The following TMEM182 variants were observed in gnomAD, a reference collection of about 807,000 sequenced individuals.
TMEM182 encodes the protein transmembrane protein 182.
Under a neutral mutation model 26.8 loss-of-function variants are expected in TMEM182, and 20 were observed. That is an observed-to-expected ratio of 0.75 (90% CI 0.53 to 1.09). TMEM182 has a LOEUF of 1.09. Among genes scored for constraint, TMEM182 ranks in the 50% least tolerant of loss-of-function variants. TMEM182 has a pLI of 0.00. For missense variants in TMEM182, 277 were observed against 275.5 expected (o/e 1.01, Z -0.04); for synonymous variants, 109 against 102.2 (o/e 1.07, Z -0.40).
At chr2:102,787,410 T>C (rs1008033090) in intron 3 of TMEM182, among the ~76,000 whole-genome samples, 5 of 152,222 alleles carry the variant, frequency 3.3e-5, no homozygotes, top group Admixed American at 2.0e-4. Flanking sequence ...ATAAAGTCAC[T>C]AATCCCATCA....
intron 3 of TMEM182, among the ~76,000 whole-genome samples, chr2:102,790,594 A>G (rs6704816): frequency 0.03 from 4,623 of 152,318 alleles, 250 homozygotes; most frequent in African/African-American, 0.11. Flanking sequence ...GTTAGTGTGC[A>G]TAATTAATAG....
At position 102,785,017 on chromosome 2, in the gene TMEM182, G is replaced by A. The variant is rs970804192; in HGVS notation, c.332-12846G>A. On this transcript the variant is annotated intron_variant, in intron 3 of 4. Transcript: ENST00000412401. Reference sequence around the variant, plus strand: ...GTTTCAGCCTCATCTTACCCAGCTCGAGATGGAGTTGCTCTGGTTCCAACA... The same window carrying A: ...GTTTCAGCCTCATCTTACCCAGCTCAAGATGGAGTTGCTCTGGTTCCAACA... 6.6e-5 allele frequency among the ~76,000 whole-genome samples: 10 copies of A among 152,124 alleles called. 1 individual carries two copies. Among genetic ancestry groups the A allele is most frequent in the Admixed American group, 2.6e-4 (4 of 15,282 alleles).
chr2:102,761,247 A>G (rs1573499679), upstream of TMEM182, among the ~76,000 whole-genome samples: 1 of 151,944 alleles, frequency 6.6e-6, no homozygotes, highest in African/African-American at 2.4e-5. Flanking sequence ...ATTCATTGCT[A>G]TTAGGTGGTC....
At chr2:102,770,491 G>A (rs1482620024) in intron 3 of TMEM182, among the ~76,000 whole-genome samples, 1 of 152,132 alleles carries the variant, frequency 6.6e-6, no homozygotes, top group Non-Finnish European at 1.5e-5. Context: ...TCTTTACCCT[G>A]CAATGCACTT....
At chr2:102,837,621 T>TA (rs1420331330) in intron 3 of TMEM182, among the ~76,000 whole-genome samples, 1 of 152,074 alleles carries the variant, frequency 6.6e-6, no homozygotes, top group African/African-American at 2.4e-5. Context: ...ATGTGGTTAA[T>TA]AAAGTAATGG....
intron 3 of TMEM182, among the ~76,000 whole-genome samples, chr2:102,793,786 G>A (rs1446892782): frequency 6.6e-6 from 1 of 152,110 alleles, no homozygotes; most frequent in East Asian, 1.9e-4. Context: ...ATGGTTGGTT[G>A]AATCCACAGA....
At chr2:102,803,627 C>T (rs1682233091) in intron 4 of TMEM182, among the ~76,000 whole-genome samples, 1 of 152,118 alleles carries the variant, frequency 6.6e-6, no homozygotes, top group Non-Finnish European at 1.5e-5. Flanking sequence ...TTTTTTTCTC[C>T]TTAATACTAG....
chr2:102,793,419 T>C (rs181560549), intron 3 of TMEM182, among the ~76,000 whole-genome samples: 175 of 152,312 alleles, frequency 1.1e-3, no homozygotes, highest in African/African-American at 3.9e-3. Context: ...CAAACATGAC[T>C]ACTGCACTCT....
At chr2:102,742,414 T>C (rs913899648) in intron 1 of TMEM182, among the ~76,000 whole-genome samples, 1 of 152,182 alleles carries the variant, frequency 6.6e-6, no homozygotes, top group African/African-American at 2.4e-5. Context: ...AGGTATAAGA[T>C]ACCATTTGGT....
At chr2:102,780,204 A>G (rs1681110267) in intron 3 of TMEM182, among the ~76,000 whole-genome samples, 1 of 152,050 alleles carries the variant, frequency 6.6e-6, no homozygotes, top group African/African-American at 2.4e-5. Context: ...TTTTTATTGA[A>G]GCCTGAACTT....
chr2:102,792,354 A>G (rs115765693), intron 3 of TMEM182, among the ~76,000 whole-genome samples: 2,046 of 152,236 alleles, frequency 0.013, 46 homozygotes, highest in African/African-American at 0.047. Context: ...CTATAAACCT[A>G]TGAAAAGAAT....
intron 1 of TMEM182, chr2:102,737,134 T>C: frequency 3.4e-6 from 1 of 295,968 alleles, no homozygotes; most frequent in Non-Finnish European, 6.2e-6. Flanking sequence ...CTTCCTCCTA[T>C]GGAGTTGTGC....
At chr2:102,832,056 C>A (rs758059660) in intron 3 of TMEM182, among the ~76,000 whole-genome samples, 3 of 152,148 alleles carry the variant, frequency 2.0e-5, no homozygotes, top group South Asian at 2.1e-4. Context: ...GCTCTCATAT[C>A]CCCATACCTG....
intron 3 of TMEM182, among the ~76,000 whole-genome samples, chr2:102,842,290 C>T (rs929806989): frequency 6.6e-6 from 1 of 152,152 alleles, no homozygotes; most frequent in Non-Finnish European, 1.5e-5. Context: ...GTGCTGTCCC[C>T]TTTTCCTGAA....
chr2:102,840,647 G>A (rs1276331629), intron 3 of TMEM182, among the ~76,000 whole-genome samples: 1 of 152,150 alleles, frequency 6.6e-6, no homozygotes, highest in Non-Finnish European at 1.5e-5. Context: ...ACATTTGACA[G>A]ACAATGTATA....
intron 3 of TMEM182, among the ~76,000 whole-genome samples, chr2:102,838,216 G>T (rs1016970183): frequency 6.6e-6 from 1 of 152,134 alleles, no homozygotes; most frequent in East Asian, 1.9e-4. Context: ...TACTTTTGAG[G>T]GATAGCTATG....
rs1002689160 is a variant in TMEM182 at position 102,816,623 on chromosome 2, G to A, written c.*1655G>A. The A allele has an allele frequency of 3.0e-6, 3 of 985,094 alleles. No individual in the cohort carries two copies. The African/African-American group carries it at 5.3e-5, about 17-fold the overall frequency. The allele number at this position is 985,094 out of a possible 1,614,324, so 61.0% of individuals were successfully genotyped here. A position where few individuals can be genotyped will look rare whatever the true frequency, so the allele number is the denominator to read the frequency against. On this transcript the variant is annotated 3_prime_UTR_variant, in exon 5 of 5. Transcript: ENST00000412401. The stretch of plus-strand genomic sequence containing the variant: ...AAACGTTTTTGTGGTACTTCCCTTT[G>A]TCTTTCACTGTTTCATTTTTATATT...
chr2:102,806,489 A>G (rs1573557924), intron 4 of TMEM182, among the ~76,000 whole-genome samples: 1 of 152,146 alleles, frequency 6.6e-6, no homozygotes, highest in African/African-American at 2.4e-5. Flanking sequence ...ATTGGAGGTC[A>G]TCATTCCCTT....
chr2:102,818,993 G>A (rs1682851255), downstream of TMEM182, among the ~76,000 whole-genome samples: 1 of 152,160 alleles, frequency 6.6e-6, no homozygotes. Context: ...TGAATATTTT[G>A]CAGATAATTT....
Sources: allele counts gnomAD v4.1 joint callset (sites outside exome capture counted in the v4.1 genomes callset), GRCh38; gene constraint gnomAD v4.1.1; transcripts MANE v1.5; gene names NCBI Gene and HGNC (gene_info 2026-07-23, HGNC 2026-07-21).